AZIN2: variants seen among roughly 807,000 people sequenced by gnomAD.
The protein encoded by AZIN2 is antizyme inhibitor 2, also known as ODC antizyme inhibitor-2.
In AZIN2, 28 loss-of-function variants were observed where a neutral mutation model predicts 47.8. The observed-to-expected ratio is 0.59, with a 90% CI of 0.43 to 0.80. The LOEUF is 0.80. Ranked by LOEUF, AZIN2 falls within the 30% of genes least tolerant of loss-of-function variation. The pLI is 0.00. For synonymous variants in AZIN2, 221 were observed against 239.4 expected, an observed-to-expected ratio of 0.92 and a Z score of 0.71; for missense variants, 535 against 582.5, an observed-to-expected ratio of 0.92 and a Z score of 0.84.
downstream of AZIN2, among the ~76,000 whole-genome samples, chr1:33,126,724 C>T (rs140356995): frequency 9.8e-3 from 1,487 of 152,248 alleles, 19 homozygotes; most frequent in African/African-American, 0.033. Flanking sequence ...CCCCCAATAG[C>T]GCTTTCTGTT....
At chr1:33,150,444 C>T in the AZIN2 span, among the ~76,000 whole-genome samples, 2 of 152,278 alleles carry the variant, frequency 1.3e-5, no homozygotes, top group African/African-American at 4.8e-5. Flanking sequence ...TATCAAGTTC[C>T]TTCCATGATC....
At position 33,082,230 on chromosome 1, in the gene AZIN2, G is replaced by A. The variant is rs760196284; in HGVS notation, c.-20G>A. On this transcript the variant is annotated 5_prime_UTR_variant, in exon 4 of 12. Coordinates refer to ENST00000294517, the MANE Select transcript of AZIN2 (RefSeq NM_052998.4). Reference sequence around the variant, plus strand: ...CTGCAGCAGCGGCTCCATCCAGCCCGTCAGCTCCTCCTGCAAGGCATGGCT... The same window carrying A: ...CTGCAGCAGCGGCTCCATCCAGCCCATCAGCTCCTCCTGCAAGGCATGGCT... 4.4e-6 allele frequency: 7 copies of A among 1,606,036 alleles called. No individual in the cohort carries two copies. The highest frequency in any genetic ancestry group is 1.7e-4 in the Middle Eastern group (1 of 6,050).
At chr1:33,097,046 G>C (rs1377896259) in intron 9 of AZIN2, 177 bp downstream of exon 9, 20 of 697,120 alleles carry the variant, frequency 2.9e-5, no homozygotes, top group Non-Finnish European at 9.4e-6. Context: ...CATTTATTTA[G>C]CATCTTTTTT....
the AZIN2 span, among the ~76,000 whole-genome samples, chr1:33,136,586 T>C: frequency 6.6e-6 from 1 of 151,104 alleles, no homozygotes; most frequent in Non-Finnish European, 1.5e-5. Flanking sequence ...GGCAGGCTGG[T>C]CTTGAACTCC....
the AZIN2 span, among the ~76,000 whole-genome samples, chr1:33,141,607 A>G: frequency 1.7e-4 from 26 of 152,252 alleles, 1 homozygote; most frequent in Admixed American, 1.3e-3. Flanking sequence ...TTATCATGAC[A>G]TCAGGGTAGG....
the AZIN2 span, chr1:33,147,133 A>G: frequency 6.3e-7 from 1 of 1,588,578 alleles, no homozygotes; most frequent in Non-Finnish European, 8.6e-7. This position sits in a 1 kb window ranked among gnomAD's most constrained non-coding sequence, Gnocchi z 8.1. Context: ...GGGCTCTTGC[A>G]GGTGGCAGTG....
the AZIN2 span, among the ~76,000 whole-genome samples, chr1:33,131,094 G>T: frequency 6.6e-6 from 1 of 152,200 alleles, no homozygotes; most frequent in South Asian, 2.1e-4. Context: ...CAGACTCAAG[G>T]TTGGTCAAAG....
At chr1:33,124,939 G>C (rs554421860), downstream of AZIN2, among the ~76,000 whole-genome samples, 4 of 152,296 alleles carry the variant, frequency 2.6e-5, no homozygotes, top group South Asian at 8.3e-4. This position sits in a 1 kb window ranked among gnomAD's most constrained non-coding sequence, Gnocchi z 4.6. Flanking sequence ...ATTTGGGTTG[G>C]TTCCAAGTCT....
At chr1:33,135,801 C>T in the AZIN2 span, among the ~76,000 whole-genome samples, 10 of 152,212 alleles carry the variant, frequency 6.6e-5, no homozygotes, top group African/African-American at 2.4e-4. Context: ...ACCATCAGCT[C>T]TTTGATATAG....
At chr1:33,147,212 C>T in the AZIN2 span, 8 of 1,613,854 alleles carry the variant, frequency 5.0e-6, no homozygotes, top group African/African-American at 1.3e-5. This position sits in a 1 kb window ranked among gnomAD's most constrained non-coding sequence, Gnocchi z 8.1. Context: ...AGCGGCTGAA[C>T]GTTCTTGCCA....
At chr1:33,131,556 A>G in the AZIN2 span, among the ~76,000 whole-genome samples, 2 of 152,238 alleles carry the variant, frequency 1.3e-5, no homozygotes, top group Non-Finnish European at 1.5e-5. Context: ...AACGATTTCA[A>G]TAATTTTTAA....
At chr1:33,131,621 G>A in the AZIN2 span, among the ~76,000 whole-genome samples, 1 of 151,792 alleles carries the variant, frequency 6.6e-6, no homozygotes, top group Non-Finnish European at 1.5e-5. Flanking sequence ...ATGTTTAAAA[G>A]AAATAAAATA....
At chr1:33,162,439 TA>T in the AZIN2 span, among the ~76,000 whole-genome samples, 7 of 152,232 alleles carry the variant, frequency 4.6e-5, no homozygotes, top group Admixed American at 3.3e-4. Context: ...TCAACAGTCT[TA>T]ATACATTGTC....
the AZIN2 span, among the ~76,000 whole-genome samples, chr1:33,137,827 G>C: frequency 6.6e-6 from 1 of 152,186 alleles, no homozygotes; most frequent in Non-Finnish European, 1.5e-5. Context: ...AAGGGCAAGA[G>C]GCACTGTCGC....
chr1:33,138,626 C>CAAAAAAAAAAAAAAAAA, the AZIN2 span, among the ~76,000 whole-genome samples: 2 of 66,082 alleles, frequency 3.0e-5, no homozygotes. Context: ...ACAACAACAA[C>CAAAAAAAAAAAAAAAAA]AAAAAAAAAA....
At chr1:33,084,979 G>A (rs1379503497) in intron 5 of AZIN2, among the ~76,000 whole-genome samples, 1 of 152,082 alleles carries the variant, frequency 6.6e-6, no homozygotes, top group African/African-American at 2.4e-5. Context: ...TGCTAGGCAG[G>A]GCTAGCAATA....
chr1:33,159,828 C>G, the AZIN2 span: 5 of 1,613,592 alleles, frequency 3.1e-6, no homozygotes, highest in Non-Finnish European at 4.2e-6. The surrounding 1 kb of genome is among the most constrained non-coding windows in gnomAD (Gnocchi z 4.2). Context: ...TGTCGGTCAG[C>G]GTGCGGGCCG....
At chr1:33,160,073 A>G in the AZIN2 span, 2 of 1,189,640 alleles carry the variant, frequency 1.7e-6, no homozygotes, top group Admixed American at 2.4e-5. Context: ...TGGTGGGGGA[A>G]ATGTCACATG....
downstream of AZIN2, among the ~76,000 whole-genome samples, chr1:33,127,082 C>T (rs548213045): frequency 6.6e-6 from 1 of 152,200 alleles, no homozygotes; most frequent in Non-Finnish European, 1.5e-5. Flanking sequence ...TGGATCGTCC[C>T]TTTGTCCTGG....
Sources: gnomAD v4.1 joint callset for allele counts (sites outside exome capture counted in the v4.1 genomes callset) on GRCh38, gnomAD v4.1.1 for gene constraint, Gnocchi (gnomAD v3.1) non-coding constraint, MANE v1.5 for transcripts, NCBI Gene and HGNC (gene_info 2026-07-23, HGNC 2026-07-21) for gene names.